EFCAB5: variants seen among roughly 807,000 people sequenced by gnomAD.
The protein encoded by EFCAB5 is EF-hand calcium binding domain 5.
EFCAB5 carries 131 observed loss-of-function variants against 167.9 expected under a neutral mutation model. The ratio of observed to expected loss-of-function variants is 0.78; its 90% CI spans 0.68 to 0.90. The LOEUF (loss-of-function observed/expected upper bound fraction) is 0.90. EFCAB5 is among the 40% of genes least tolerant of loss of function. The pLI is 0.00. For missense variants in EFCAB5, 1,663 were observed against 1,745.2 expected (o/e 0.95, Z 0.84); for synonymous variants, 574 against 602.8 (o/e 0.95, Z 0.70).
chr17:29,983,854 T>C (rs1379905349), intron 4 of EFCAB5, among the ~76,000 whole-genome samples: 1 of 152,014 alleles, frequency 6.6e-6, no homozygotes, highest in Admixed American at 6.6e-5. Flanking sequence ...CATCAATAAA[T>C]GGGAGGAAAT....
intron 18 of EFCAB5, among the ~76,000 whole-genome samples, chr17:30,085,096 C>T (rs76203839): frequency 0.024 from 3,694 of 152,186 alleles, 143 homozygotes; most frequent in African/African-American, 0.083. Flanking sequence ...ATTAAACGCC[C>T]CTTAAATTAC....
At position 30,082,897 on chromosome 17, in the gene EFCAB5, G is replaced by T. The variant is rs1227136393; in HGVS notation, c.3433G>T (p.Ala1145Ser). 1.2e-6 allele frequency: 2 copies of T among 1,612,850 alleles called. No homozygotes were observed. The highest frequency in any genetic ancestry group is 1.7e-6 in the Non-Finnish European group (2 of 1,179,432). The change falls in exon 18 of 23, where the codon GCT becomes TCT. Residue 1145 changes from alanine to serine, a missense_variant. By Grantham distance (99) the Ala-to-Ser change is moderately conservative. Coordinates refer to ENST00000394835, the MANE Select transcript of EFCAB5 (RefSeq NM_198529.4). ...GAATTTTCTGTCTCTACAGGGTGTT[G>T]CTAATGTCTTTAGCACTGCCTATCA... is the stretch of plus-strand genomic sequence containing the variant. ...PHEIRFYQGVANVFSTAYHYV... is the reference protein window; with the variant it reads ...PHEIRFYQGVSNVFSTAYHYV...
chr17:29,994,292 G>A (rs1035956199), intron 5 of EFCAB5, among the ~76,000 whole-genome samples: 2 of 150,922 alleles, frequency 1.3e-5, no homozygotes, highest in African/African-American at 4.9e-5. Context: ...TTTAAAAATG[G>A]ACTAAGAAGA....
chr17:30,041,837 C>A (rs570510843), intron 8 of EFCAB5, among the ~76,000 whole-genome samples: 1 of 152,276 alleles, frequency 6.6e-6, no homozygotes, highest in Non-Finnish European at 1.5e-5. Context: ...CAACCCTCCA[C>A]CAGCAAAACA....
upstream of EFCAB5, among the ~76,000 whole-genome samples, chr17:29,938,247 A>G (rs1457799133): frequency 6.6e-6 from 1 of 152,188 alleles, no homozygotes; most frequent in Non-Finnish European, 1.5e-5. Context: ...ACTATAGTCT[A>G]TTAAGTGTGC....
At chr17:30,013,400 T>C (rs1267605767) in intron 7 of EFCAB5, among the ~76,000 whole-genome samples, 3 of 152,246 alleles carry the variant, frequency 2.0e-5, no homozygotes, top group Non-Finnish European at 4.4e-5. Context: ...TTTGTACCTC[T>C]GGTAGAATTC....
chr17:30,002,425 G>A (rs184416162), intron 7 of EFCAB5, among the ~76,000 whole-genome samples: 2 of 152,266 alleles, frequency 1.3e-5, no homozygotes, highest in East Asian at 3.9e-4. Context: ...GTACCACAAA[G>A]GTCTACTGGG....
intron 10 of EFCAB5, among the ~76,000 whole-genome samples, chr17:30,055,476 G>T (rs2070233891): frequency 6.6e-6 from 1 of 152,178 alleles, no homozygotes; most frequent in African/African-American, 2.4e-5. Context: ...TTATTAAATT[G>T]TGAAGAAGGA....
At chr17:29,972,564 G>A (rs1203607947) in intron 4 of EFCAB5, 1 of 152,382 alleles carries the variant, frequency 6.6e-6, no homozygotes, top group Admixed American at 6.5e-5. Flanking sequence ...CGCGGGCTCT[G>A]GGCCATGCCT....
At chr17:30,035,550 G>A (rs181664686) in intron 8 of EFCAB5, among the ~76,000 whole-genome samples, 32 of 152,284 alleles carry the variant, frequency 2.1e-4, no homozygotes, top group Middle Eastern at 3.4e-3. Flanking sequence ...ATATGGCACA[G>A]GAGTCCTCTT....
At chr17:29,971,750 A>C (rs772507950) in intron 4 of EFCAB5, among the ~76,000 whole-genome samples, 2 of 152,166 alleles carry the variant, frequency 1.3e-5, no homozygotes, top group Non-Finnish European at 2.9e-5. Context: ...GTACACTGAA[A>C]TATGCTTTCT....
At chr17:30,002,191 T>G (rs1425323605) in intron 7 of EFCAB5, among the ~76,000 whole-genome samples, 1 of 152,244 alleles carries the variant, frequency 6.6e-6, no homozygotes, top group Non-Finnish European at 1.5e-5. Context: ...AAAATTTTTT[T>G]ATTTTGAAAT....
In EFCAB5 at chr17:30,012,430, C is replaced by T. The variant is rs565233379; in HGVS notation, c.1044+12454C>T. ...TAGCAGTAGCAAATTAGTGAAAGTA[C>T]TAAAAGTCTCTAATAATGGTGTAAG... On this transcript the variant is annotated intron_variant, in intron 7 of 22. Coordinates refer to ENST00000394835, the MANE Select transcript of EFCAB5 (RefSeq NM_198529.4). Among the ~76,000 whole-genome samples the T allele has an allele frequency of 2.6e-5, 4 of 152,262 alleles. No individual in the cohort carries two copies. In the East Asian group the frequency reaches 5.8e-4, roughly 22 times the overall value.
chr17:29,966,084 C>T (rs1195115226), intron 3 of EFCAB5, among the ~76,000 whole-genome samples: 2 of 151,796 alleles, frequency 1.3e-5, no homozygotes, highest in Non-Finnish European at 2.9e-5. Flanking sequence ...ATAATATTTA[C>T]CATTTAAACT....
At chr17:29,976,201 A>G (rs2068060188) in intron 4 of EFCAB5, among the ~76,000 whole-genome samples, 1 of 152,220 alleles carries the variant, frequency 6.6e-6, no homozygotes, top group Admixed American at 6.5e-5. Flanking sequence ...CTAGACATTT[A>G]TTAATGTCTA....
At chr17:29,938,596 TCAA>T (rs1030222958), upstream of EFCAB5, among the ~76,000 whole-genome samples, 2 of 152,224 alleles carry the variant, frequency 1.3e-5, no homozygotes, top group Non-Finnish European at 2.9e-5. Flanking sequence ...TACCACTGCT[TCAA>T]CAACTAAGTT....
Position 30,056,116 on chromosome 17 carries a change from G to GTTT in EFCAB5, c.2325_2326insTTT (p.Glu775_Glu776insPhe). On this transcript the variant is annotated inframe_insertion, in exon 12 of 23. Coordinates refer to ENST00000394835, the MANE Select transcript of EFCAB5 (RefSeq NM_198529.4). ...TGAAGTATGTCACATTTGAAGATGA[G>GTTT]GAACAGGCAAACTTAATCTATGGTA... is the stretch of plus-strand genomic sequence containing the variant. 1 of 1,612,022 alleles carries GTTT rather than the reference G, an allele frequency of 6.2e-7. No homozygotes were observed. Among genetic ancestry groups the GTTT allele is most frequent in the East Asian group, 2.2e-5 (1 of 44,806 alleles).
chr17:29,998,733 T>C (rs2068597458), intron 6 of EFCAB5, among the ~76,000 whole-genome samples: 1 of 152,156 alleles, frequency 6.6e-6, no homozygotes, highest in Admixed American at 6.5e-5. Context: ...GATTGAAAAA[T>C]CTTTTCTATG....
Position 30,059,692 on chromosome 17 carries a change from A to G in EFCAB5, c.2728A>G (p.Met910Val), listed in dbSNP as rs567044861. Residue 910 changes from methionine to valine, a missense_variant, in exon 14 of 23, where the codon ATG becomes GTG. By Grantham distance (21) the Met-to-Val change is conservative (BLOSUM62 1). Transcript: ENST00000394835. ...CAAGGAGGGAATGGAAAAAGAATCT[A>G]TGAAGAAAGGTAAAATATAAGAATG... ...TYKEGMEKESMKKAKLHIQFP... is the reference protein window; with the variant it reads ...TYKEGMEKESVKKAKLHIQFP... The G allele has an allele frequency of 3.8e-6, 6 of 1,590,736 alleles. No homozygotes were observed. The African/African-American group carries it at 5.4e-5, about 14-fold the overall frequency.
Sources: gnomAD v4.1 joint callset for allele counts (sites outside exome capture counted in the v4.1 genomes callset) on GRCh38, gnomAD v4.1.1 for gene constraint, MANE v1.5 for transcripts, NCBI Gene and HGNC (gene_info 2026-07-23, HGNC 2026-07-21) for gene names.